Variants in POU6F2 observed in about 807,000 individuals in gnomAD.
The protein encoded by POU6F2 is POU class 6 homeobox 2, also known as POU domain, class 6, transcription factor 2.
Under a neutral mutation model 71.3 loss-of-function variants are expected in POU6F2, and 31 were observed. That is an observed-to-expected ratio of 0.43 (90% confidence interval 0.33 to 0.59). The LOEUF (loss-of-function observed/expected upper bound fraction) is 0.59, where lower values mean the gene tolerates loss of function less well. Among genes scored for constraint, POU6F2 ranks in the 20% least tolerant of loss-of-function variants. The probability of loss-of-function intolerance (pLI) is 0.04; values close to 1 mark genes in which losing one functional copy is unlikely to be tolerated. For missense variants in POU6F2, 783 were observed against 856.8 expected, an observed-to-expected ratio of 0.91 and a Z score of 1.07; for synonymous variants, 347 against 355.7, an observed-to-expected ratio of 0.98 and a Z score of 0.27.
chr7:39,052,539 G>C (rs1181020475), intron 1 of POU6F2, among the ~76,000 whole-genome samples: 1 of 151,992 alleles, frequency 6.6e-6, no homozygotes, highest in Non-Finnish European at 1.5e-5. Flanking sequence ...ACTATCACAA[G>C]AACAGCATGG....
chr7:39,054,877 T>G (rs1300743173), intron 1 of POU6F2, among the ~76,000 whole-genome samples: 1 of 151,742 alleles, frequency 6.6e-6, no homozygotes, highest in Non-Finnish European at 1.5e-5. Flanking sequence ...TGAAAAAAGC[T>G]GCAGAAGTTG....
At chr7:39,095,904 T>A (rs1176194248) in intron 2 of POU6F2, among the ~76,000 whole-genome samples, 1 of 152,222 alleles carries the variant, frequency 6.6e-6, no homozygotes, top group Non-Finnish European at 1.5e-5. Flanking sequence ...AAGCATTTTT[T>A]AATATACCAT....
At chr7:39,116,078 C>A (rs1791922461) in intron 2 of POU6F2, among the ~76,000 whole-genome samples, 1 of 152,186 alleles carries the variant, frequency 6.6e-6, no homozygotes, top group Admixed American at 6.6e-5. Flanking sequence ...GCACTCAGGG[C>A]AAGCTCCAGT....
intron 4 of POU6F2, among the ~76,000 whole-genome samples, chr7:39,219,540 A>C (rs963602124): frequency 3.9e-5 from 6 of 152,134 alleles, no homozygotes; most frequent in African/African-American, 1.4e-4. Context: ...GTGCTTGTAA[A>C]AACTGTGGTT....
At chr7:39,340,944 A>G (rs1008248892) in intron 5 of POU6F2, among the ~76,000 whole-genome samples, 1 of 152,166 alleles carries the variant, frequency 6.6e-6, no homozygotes, top group African/African-American at 2.4e-5. Flanking sequence ...ATTTCAGACA[A>G]TCTCGTGTAT....
chr7:39,003,752 A>T (rs1788980822), intron 1 of POU6F2, among the ~76,000 whole-genome samples: 1 of 152,076 alleles, frequency 6.6e-6, no homozygotes, highest in Non-Finnish European at 1.5e-5. Flanking sequence ...CCGTTTCAAA[A>T]AAAAAAAAAG....
At chr7:39,236,406 A>G (rs1393409523) in intron 4 of POU6F2, among the ~76,000 whole-genome samples, 1 of 151,928 alleles carries the variant, frequency 6.6e-6, no homozygotes, top group African/African-American at 2.4e-5. Context: ...CTGCCTTCAG[A>G]TTGTGTTTGC....
At chr7:39,069,591 G>A (rs917794334) in intron 1 of POU6F2, among the ~76,000 whole-genome samples, 10 of 152,100 alleles carry the variant, frequency 6.6e-5, no homozygotes, top group African/African-American at 1.7e-4. Context: ...CCCCAAAAAC[G>A]TAACTGCCAA....
chr7:39,166,580 G>T (rs1379836225), intron 2 of POU6F2, among the ~76,000 whole-genome samples: 1 of 152,178 alleles, frequency 6.6e-6, no homozygotes, highest in East Asian at 1.9e-4. Flanking sequence ...ACTGTTATCT[G>T]TGAAAGCCGG....
At chr7:39,152,700 C>T (rs1792787420) in intron 2 of POU6F2, among the ~76,000 whole-genome samples, 1 of 152,196 alleles carries the variant, frequency 6.6e-6, no homozygotes, top group Non-Finnish European at 1.5e-5. Context: ...ACCAGCGAGA[C>T]ACACTCAGGA....
At chr7:39,247,286 T>G (rs886694556) in intron 4 of POU6F2, among the ~76,000 whole-genome samples, 1 of 151,962 alleles carries the variant, frequency 6.6e-6, no homozygotes, top group African/African-American at 2.4e-5. Context: ...CTGGTCAACA[T>G]GGCAAAACCT....
intron 3 of POU6F2, among the ~76,000 whole-genome samples, chr7:39,206,348 C>A (rs565897254): frequency 5.3e-5 from 8 of 152,088 alleles, no homozygotes; most frequent in African/African-American, 1.9e-4. Context: ...ACATGCCGAG[C>A]AGTTGCCTTT....
intron 5 of POU6F2, 74 bp from the exon 6 acceptor site, chr7:39,406,526 G>C: frequency 1.3e-6 from 2 of 1,542,136 alleles, no homozygotes; most frequent in Non-Finnish European, 1.8e-6. Flanking sequence ...TACCTCCCCA[G>C]AGTCAATGTT....
chr7:39,196,827 T>G (rs190649926), intron 2 of POU6F2, among the ~76,000 whole-genome samples: 1 of 151,986 alleles, frequency 6.6e-6, no homozygotes, highest in African/African-American at 2.4e-5. Context: ...CAGTTTCAAG[T>G]GCAGGGACAA....
chr7:39,229,535 C>T (rs1323036637), intron 4 of POU6F2, among the ~76,000 whole-genome samples: 1 of 152,218 alleles, frequency 6.6e-6, no homozygotes, highest in Non-Finnish European at 1.5e-5. Flanking sequence ...TTGGGCCAGC[C>T]ATCAGGTAAC....
chr7:39,452,295 C>CTA (rs897813943), intron 8 of POU6F2, among the ~76,000 whole-genome samples: 5 of 152,178 alleles, frequency 3.3e-5, no homozygotes, highest in African/African-American at 9.6e-5. Flanking sequence ...CCTAAATAGC[C>CTA]TATATATATG....
At chr7:39,444,287 A>G (rs1418726769) in intron 7 of POU6F2, among the ~76,000 whole-genome samples, 1 of 152,226 alleles carries the variant, frequency 6.6e-6, no homozygotes, top group Non-Finnish European at 1.5e-5. Flanking sequence ...CAAATTCAGA[A>G]AAAAACCAGA....
chr7:39,459,452 GGTTTTGTTTTGTTTT>G (rs141262587), intron 8 of POU6F2, among the ~76,000 whole-genome samples: 76 of 149,046 alleles, frequency 5.1e-4, no homozygotes, highest in East Asian at 2.3e-3. Context: ...TGGTTTTGTG[GGTTTTGTTTTGTTTT>G]GTTTTGTTTT....
In POU6F2 at chr7:39,464,918, G is replaced by T; in HGVS notation, c.*232G>T. 1.7e-6 allele frequency: 1 copy of T among 573,364 alleles called. No individual in the cohort carries two copies. The highest frequency in any genetic ancestry group is 3.0e-5 in the East Asian group (1 of 33,058). The allele number at this position is 573,364 out of a possible 1,614,324, so 35.5% of individuals were successfully genotyped here. A position where few individuals can be genotyped will look rare whatever the true frequency, so the allele number is the denominator to read the frequency against. ...AATTTTTAGAAAATTTTTAAACAAG[G>T]AATACACCACACTGAAGGTGTGTGT... On this transcript the variant is annotated 3_prime_UTR_variant, in exon 10 of 10. Coordinates refer to ENST00000518318, the MANE Select transcript of POU6F2 (RefSeq NM_001370959.1). The surrounding 1 kb of genome is among the most constrained non-coding windows in gnomAD (Gnocchi z 4.1).
Sources: gnomAD v4.1 joint callset for allele counts (sites outside exome capture counted in the v4.1 genomes callset) on GRCh38, gnomAD v4.1.1 for gene constraint, Gnocchi (gnomAD v3.1) non-coding constraint, MANE v1.5 for transcripts, NCBI Gene and HGNC (gene_info 2026-07-23, HGNC 2026-07-21) for gene names.